The following GDAP2 variants were observed in gnomAD, a reference collection of about 807,000 sequenced individuals.
GDAP2 encodes ganglioside induced differentiation associated protein 2, also known as ganglioside-induced differentiation-associated protein 2.
In GDAP2, 51 loss-of-function variants were observed where a neutral mutation model predicts 67.0. The observed-to-expected ratio is 0.76, with a 90% CI of 0.61 to 0.96. GDAP2 has a LOEUF of 0.96. Ranked by LOEUF, GDAP2 falls within the 40% of genes least tolerant of loss-of-function variation. The pLI, the probability that GDAP2 is intolerant of heterozygous loss-of-function variation, is 0.00. For missense variants in GDAP2, 547 were observed against 588.3 expected, an observed-to-expected ratio of 0.93 and a Z score of 0.73; for synonymous variants, 203 against 207.3, an observed-to-expected ratio of 0.98 and a Z score of 0.18.
At position 117,919,396 on chromosome 1, in the gene GDAP2, T is replaced by C. The variant is rs1650163482; in HGVS notation, c.177-660A>G. Among the ~76,000 whole-genome samples the C allele has an allele frequency of 2.0e-5, 3 of 151,928 alleles. 1 individual carries two copies. Among genetic ancestry groups the C allele is most frequent in the African/African-American group, 7.2e-5 (3 of 41,394 alleles). On this transcript the variant is annotated intron_variant, in intron 2 of 13. Coordinates refer to ENST00000369443, the MANE Select transcript of GDAP2 (RefSeq NM_017686.4). Reference sequence around the variant, plus strand: ...AAAAAAAAAAAAAAAGAATAAAGTATTGATTTGTACTATAATATAGATGAA... The same window carrying C: ...AAAAAAAAAAAAAAAGAATAAAGTACTGATTTGTACTATAATATAGATGAA...
intron 1 of GDAP2, among the ~76,000 whole-genome samples, chr1:117,921,575 AG>A (rs1176421334): frequency 2.0e-5 from 3 of 152,300 alleles, no homozygotes; most frequent in African/African-American, 7.2e-5. Context: ...CAAGGAGGCC[AG>A]TTTAGGAAAA....
chr1:117,885,140 GAACTAC>G (rs1469804636), intron 10 of GDAP2, among the ~76,000 whole-genome samples: 2 of 152,108 alleles, frequency 1.3e-5, no homozygotes, highest in African/African-American at 4.8e-5. Flanking sequence ...TTATAGGCAT[GAACTAC>G]CACACCTGGC....
chr1:117,872,135 A>G (rs1056348358), intron 13 of GDAP2, among the ~76,000 whole-genome samples: 4 of 152,202 alleles, frequency 2.6e-5, no homozygotes, highest in African/African-American at 9.6e-5. Flanking sequence ...CAAAACCACA[A>G]TGAGATACCA....
chr1:117,919,090 A>G (rs1650151649), intron 2 of GDAP2, among the ~76,000 whole-genome samples: 1 of 152,214 alleles, frequency 6.6e-6, no homozygotes, highest in African/African-American at 2.4e-5. Context: ...AGAATGAAGT[A>G]CTGGCCGGGC....
In GDAP2 at chr1:117,864,763, T is replaced by G. The variant is rs185867709; in HGVS notation, c.*5806A>C. ...TTTCCTTATTAAAAAGTGAAGTACA[T>G]TATTCAGTTTGAGAAAACTGGTCTA... is the stretch of plus-strand genomic sequence containing the variant. On this transcript the variant is annotated 3_prime_UTR_variant, in exon 14 of 14. Coordinates refer to ENST00000369443, the MANE Select transcript of GDAP2 (RefSeq NM_017686.4). The G allele has an allele frequency of 3.3e-4, 50 of 152,222 alleles. No homozygotes were observed. The highest frequency in any genetic ancestry group is 1.2e-3 in the African/African-American group (49 of 41,556). 9.4% of individuals were successfully genotyped at this position (152,222 alleles called of 1,614,324 possible).
rs1040694616 is a variant in GDAP2, at chr1:117,920,324, C to T, written c.34G>A (p.Asp12Asn). The stretch of plus-strand genomic sequence containing the variant: ...CCCCAGCTTGGTAGTGTATCCACAT[C>T]CACAAACTGGGAAGGTGCACCTAAG... ...DPLGAPSQFV[D>N]VDTLPSWGDS... is the part of the protein sequence containing the mutation. Residue 12 changes from aspartate (D) to asparagine (N), a missense_variant, in exon 2 of 14, where the codon GAT becomes AAT. Transcript: ENST00000369443. 1.9e-6 allele frequency: 3 copies of T among 1,606,882 alleles called. No homozygotes were observed. Among genetic ancestry groups the T allele is most frequent in the Non-Finnish European group, 2.5e-6 (3 of 1,176,702 alleles).
chr1:117,875,824 C>T (rs774845038), intron 13 of GDAP2, among the ~76,000 whole-genome samples: 3 of 152,168 alleles, frequency 2.0e-5, no homozygotes, highest in Non-Finnish European at 2.9e-5. Flanking sequence ...TCCTCTTATT[C>T]CTCCCTTTTG....
intron 11 of GDAP2, among the ~76,000 whole-genome samples, chr1:117,882,630 C>T (rs1286315592): frequency 6.6e-6 from 1 of 152,134 alleles, no homozygotes; most frequent in Non-Finnish European, 1.5e-5. Context: ...GCCTGTTCCA[C>T]GTTTAAGAAC....
intron 3 of GDAP2, among the ~76,000 whole-genome samples, chr1:117,916,547 G>T (rs544121591): frequency 1.7e-4 from 26 of 152,336 alleles, no homozygotes; most frequent in African/African-American, 5.8e-4. Context: ...AACGAAGAAT[G>T]GATGTAAGGA....
In GDAP2 at chr1:117,912,067, A is replaced by C. The variant is rs1570989394; in HGVS notation, c.486T>G (p.Ser162=). The part of the protein sequence containing the change: ...VLQLAKEQSM[S]SVGFCVINSA... ...AATTGATGACACAGAAGCCAACAGAAGACATTGACTGCTCTCTGCAACAAA... is the reference window on the plus strand; with the variant it reads ...AATTGATGACACAGAAGCCAACAGACGACATTGACTGCTCTCTGCAACAAA... Residue 162 remains serine, a synonymous_variant, in exon 5 of 14, where the codon TCT becomes TCG. Coordinates refer to ENST00000369443, the MANE Select transcript of GDAP2 (RefSeq NM_017686.4). 2 of 1,607,328 alleles carry C rather than the reference A, an allele frequency of 1.2e-6. No individual in the cohort carries two copies.
chr1:117,901,721 A>C (rs1227772015), intron 6 of GDAP2, among the ~76,000 whole-genome samples: 1 of 152,094 alleles, frequency 6.6e-6, no homozygotes. Flanking sequence ...ATGTTTTCAC[A>C]TCTTAAAGCT....
intron 10 of GDAP2, among the ~76,000 whole-genome samples, 189 bp downstream of exon 10, chr1:117,886,388 G>C (rs1029431853): frequency 6.6e-6 from 1 of 151,830 alleles, no homozygotes; most frequent in African/African-American, 2.4e-5. Context: ...TTTATTTCTT[G>C]GACAGAGAAA....
chr1:117,873,337 T>G (rs1444416117), intron 13 of GDAP2, among the ~76,000 whole-genome samples: 1 of 152,114 alleles, frequency 6.6e-6, no homozygotes, highest in Admixed American at 6.6e-5. Context: ...AGGTCCCTTT[T>G]AATCCTATAA....
In GDAP2 at chr1:117,912,497, A is replaced by T. The variant is rs778291989; in HGVS notation, c.470+33T>A. ...AAACTGGGGCCTTTAACAATGTATG[A>T]TATGCTATGTCCAGAAAATGAGTAG... On this transcript the variant is annotated intron_variant, in intron 4 of 13. Coordinates refer to ENST00000369443, the MANE Select transcript of GDAP2 (RefSeq NM_017686.4). 1.4e-5 allele frequency: 22 copies of T among 1,585,012 alleles called. No individual in the cohort carries two copies. The East Asian group carries it at 4.9e-4, about 35-fold the overall frequency.
In GDAP2 at chr1:117,865,918, T is replaced by C. The variant is rs1275657452; in HGVS notation, c.*4651A>G. On this transcript the variant is annotated 3_prime_UTR_variant, in exon 14 of 14. Transcript: ENST00000369443. ...CTAGGTTATTTATTGCTCTATGTTC[T>C]CTACATATGGACCACAGAAGTCCGA... is the stretch of plus-strand genomic sequence containing the variant. 1 of 152,260 alleles carries C rather than the reference T, an allele frequency of 6.6e-6. No homozygotes were observed. Among genetic ancestry groups the C allele is most frequent in the Non-Finnish European group, 1.5e-5 (1 of 68,056 alleles). 9.4% of individuals were successfully genotyped at this position (152,260 alleles called of 1,614,324 possible).
intron 6 of GDAP2, among the ~76,000 whole-genome samples, chr1:117,903,188 T>C (rs907550989): frequency 1.4e-4 from 21 of 152,218 alleles, no homozygotes; most frequent in African/African-American, 4.3e-4. Context: ...ATGGACTCTT[T>C]AGGATTTTTG....
At chr1:117,881,766 C>T in intron 12 of GDAP2, 57 bp downstream of exon 12, 1 of 874,180 alleles carries the variant, frequency 1.1e-6, no homozygotes, top group Non-Finnish European at 2.0e-6. Context: ...TATCTTAATA[C>T]TCTGGGCATG....
chr1:117,897,620 G>T (rs1183275927), intron 7 of GDAP2, among the ~76,000 whole-genome samples: 1 of 152,200 alleles, frequency 6.6e-6, no homozygotes, highest in East Asian at 1.9e-4. Context: ...CTGTGAGTTG[G>T]ATTAGTAGAA....
At chr1:117,884,813 C>CGTGT (rs35296112) in intron 10 of GDAP2, among the ~76,000 whole-genome samples, 4,819 of 147,892 alleles carry the variant, frequency 0.033, 119 homozygotes, top group African/African-American at 0.073. Flanking sequence ...TTATTCCCTC[C>CGTGT]GTGTGTGTGT....
Sources: allele counts gnomAD v4.1 joint callset (sites outside exome capture counted in the v4.1 genomes callset), GRCh38; gene constraint gnomAD v4.1.1; transcripts MANE v1.5; gene names NCBI Gene and HGNC (gene_info 2026-07-23, HGNC 2026-07-21).